Variants in HELB observed in about 807,000 individuals in gnomAD.
HELB encodes DNA 5'-3' helicase B.
HELB carries 96 observed loss-of-function variants against 101.7 expected under a neutral mutation model. The ratio of observed to expected loss-of-function variants is 0.94; its 90% confidence interval spans 0.80 to 1.12. The LOEUF is 1.12. Ranked by LOEUF, HELB falls within the 50% of genes most tolerant of loss-of-function variation. The probability of loss-of-function intolerance (pLI) is 0.00; values close to 1 mark genes in which losing one functional copy is unlikely to be tolerated. For missense variants in HELB, 1,210 were observed against 1,291.9 expected, an observed-to-expected ratio of 0.94 and a Z score of 0.97; for synonymous variants, 437 against 459.7, an observed-to-expected ratio of 0.95 and a Z score of 0.63.
At chr12:66,315,899 C>T (rs1301311448) in intron 6 of HELB, among the ~76,000 whole-genome samples, 1 of 152,186 alleles carries the variant, frequency 6.6e-6, no homozygotes, top group Non-Finnish European at 1.5e-5. Context: ...TATCCTCTGT[C>T]AGCTCAGACA....
intron 6 of HELB, among the ~76,000 whole-genome samples, chr12:66,317,657 A>T (rs2053624132): frequency 6.6e-6 from 1 of 152,166 alleles, no homozygotes; most frequent in South Asian, 2.1e-4. Flanking sequence ...TCATCATTTC[A>T]TCTTAATCAT....
intron 6 of HELB, 132 bp from the exon 7 acceptor site, chr12:66,318,506 T>A (rs2053634776): frequency 2.7e-6 from 2 of 742,238 alleles, no homozygotes; most frequent in African/African-American, 3.7e-5. Context: ...TTATAATGCA[T>A]ACCTGGATGA....
At chr12:66,342,267 T>A (rs1387390108), downstream of HELB, 1 of 152,200 alleles carries the variant, frequency 6.6e-6, no homozygotes, top group Non-Finnish European at 1.5e-5. Context: ...GATTATTCTT[T>A]CCCCATTGAA....
In HELB at chr12:66,306,427, A is replaced by G; in HGVS notation, c.690A>G (p.Lys230=). The G allele has an allele frequency of 6.2e-7, 1 of 1,610,766 alleles. No individual in the cohort carries two copies. The stretch of plus-strand genomic sequence containing the variant: ...CAGTTCTTCTGCCTCGACACTTTAA[A>G]TGGATCATAGGGTCAGGTTCTAAAG... ...FLPVLLPRHF[K]WIIGSGSKEM... Residue 230 remains lysine (K), a synonymous_variant, in exon 3 of 13, where the codon AAA becomes AAG. Transcript: ENST00000247815.
rs576325139 is a variant in HELB, at chr12:66,306,333, G to T, written c.608-12G>T. The T allele has an allele frequency of 1.1e-5, 17 of 1,544,756 alleles. No individual in the cohort carries two copies. In the African/African-American group the frequency reaches 1.9e-4, roughly 18 times the overall value. On this transcript the variant is annotated splice_polypyrimidine_tract_variant and intron_variant, in intron 2 of 12. Transcript: ENST00000247815. ...TTTATGTTTTACTTTGTTCCTTTCT[G>T]ATATCTTGTAGTTCCATTTAGAAAT...
chr12:66,329,343 C>T (rs899162785), intron 11 of HELB, among the ~76,000 whole-genome samples: 1 of 152,128 alleles, frequency 6.6e-6, no homozygotes, highest in African/African-American at 2.4e-5. Context: ...AAAGGTGAAG[C>T]TCTGCCTTCA....
At position 66,338,163 on chromosome 12, in the gene HELB, A is replaced by G. The variant is rs757038172; in HGVS notation, c.*61A>G. 1.3e-4 allele frequency: 126 copies of G among 979,992 alleles called. 1 individual carries two copies. The highest frequency in any genetic ancestry group is 1.6e-4 in the Non-Finnish European group (99 of 615,016). 60.7% of individuals were successfully genotyped at this position (979,992 alleles called of 1,614,324 possible). On this transcript the variant is annotated 3_prime_UTR_variant, in exon 13 of 13. Transcript: ENST00000247815. ...CTATTGGAGACAAAATGAACATCGTAACGTCAAAGTACCAAGATAAAAAAA... is the reference window on the plus strand; with the variant it reads ...CTATTGGAGACAAAATGAACATCGTGACGTCAAAGTACCAAGATAAAAAAA...
intron 12 of HELB, among the ~76,000 whole-genome samples, chr12:66,333,397 G>A (rs2053830683): frequency 6.6e-6 from 1 of 152,114 alleles, no homozygotes. Flanking sequence ...AAAGAGGAAG[G>A]CAGGTTGGCC....
chr12:66,302,675 G>GGAC lies in HELB; in HGVS notation c.79_81dup (p.Asp27dup). 6.2e-7 allele frequency: 1 copy of GGAC among 1,614,114 alleles called. No individual in the cohort carries two copies. The highest frequency in any genetic ancestry group is 8.5e-7 in the Non-Finnish European group (1 of 1,179,954). The stretch of plus-strand genomic sequence containing the variant: ...TCCCACCCAGGGATCTGGTGGAGGA[G>GGAC]GACGACGACTACCTAAACGACGACG... On this transcript the variant is annotated inframe_insertion, in exon 1 of 13. Coordinates refer to ENST00000247815, the MANE Select transcript of HELB (RefSeq NM_001370285.1).
At chr12:66,303,106 TTAA>T (rs1192058666) in intron 1 of HELB, among the ~76,000 whole-genome samples, 1 of 105,236 alleles carries the variant, frequency 9.5e-6, no homozygotes, top group African/African-American at 4.1e-5. Flanking sequence ...TTTTTTTTTT[TTAA>T]AATTATTCTC....
At chr12:66,324,549 A>C in intron 10 of HELB, 1 of 258,614 alleles carries the variant, frequency 3.9e-6, no homozygotes, top group Non-Finnish European at 7.4e-6. Context: ...TAGATTTTAA[A>C]AAGCATCATT....
intron 2 of HELB, 75 bp downstream of exon 2, chr12:66,305,225 CT>C: frequency 3.3e-6 from 3 of 897,282 alleles, no homozygotes; most frequent in Non-Finnish European, 5.2e-6. Flanking sequence ...AATGTTACCA[CT>C]AGCATAGTAT....
chr12:66,310,026 A>C lies in HELB; in HGVS notation c.1098A>C (p.Ser366=), dbSNP rs2053522864. ...ATGCTGAAAGAGCCATCGCCTTTTC[A>C]ATTTGTGACCTGATGAAGAAACCTC... The part of the protein sequence containing the change: ...LYHAERAIAF[S]ICDLMKKPPW... The change falls in exon 4 of 13, where the codon TCA becomes TCC. Residue 366 remains serine (S), a synonymous_variant. Coordinates refer to ENST00000247815, the MANE Select transcript of HELB (RefSeq NM_001370285.1). 1 of 1,614,060 alleles carries C rather than the reference A, an allele frequency of 6.2e-7. No individual in the cohort carries two copies. Among genetic ancestry groups the C allele is most frequent in the African/African-American group, 1.3e-5 (1 of 74,922 alleles).
At position 66,302,903 on chromosome 12, in the gene HELB, G is replaced by A. The variant is rs183514004; in HGVS notation, c.187+113G>A. Reference sequence around the variant, plus strand: ...TCGTGCTAACAGATTTAGCTTATCAGTGGTCTAGCTGCTTCATCCTACCAA... The same window carrying A: ...TCGTGCTAACAGATTTAGCTTATCAATGGTCTAGCTGCTTCATCCTACCAA... On this transcript the variant is annotated intron_variant, in intron 1 of 12. Transcript: ENST00000247815. The A allele has an allele frequency of 2.6e-4, 227 of 872,244 alleles. 1 individual carries two copies. In the African/African-American group the frequency reaches 3.5e-3, roughly 14 times the overall value. 54.0% of individuals were successfully genotyped at this position (872,244 alleles called of 1,614,324 possible).
rs537764058 is a variant in HELB, at chr12:66,329,841, A to T, written c.2671-1313A>T. 4.3e-4 allele frequency among the ~76,000 whole-genome samples: 65 copies of T among 152,308 alleles called. 1 individual carries two copies. In the Middle Eastern group the frequency reaches 0.014, roughly 32 times the overall value. ...TTAGGTAGACATTTTCATATTTGAG[A>T]ATGTACAATATAAAGTCCAAGGTGA... On this transcript the variant is annotated intron_variant, in intron 11 of 12. Transcript: ENST00000247815.
chr12:66,313,924 A>G (rs1236678519), intron 4 of HELB, 62 bp from the exon 5 acceptor site: 3 of 1,482,042 alleles, frequency 2.0e-6, no homozygotes, highest in South Asian at 1.2e-5. Context: ...ATAACTTGCT[A>G]TTAATTTTTG....
intron 12 of HELB, among the ~76,000 whole-genome samples, chr12:66,336,185 T>A (rs912027093): frequency 6.6e-6 from 1 of 152,222 alleles, no homozygotes; most frequent in African/African-American, 2.4e-5. Flanking sequence ...GTACTGAAAG[T>A]CATACTTTTA....
rs532153243 is a variant in HELB, at chr12:66,333,621, T to C, written c.3162+1976T>C. Among the ~76,000 whole-genome samples the C allele has an allele frequency of 2.0e-5, 3 of 151,654 alleles. No homozygotes were observed. In the South Asian group the frequency reaches 6.3e-4, roughly 32 times the overall value. On this transcript the variant is annotated intron_variant, in intron 12 of 12. Transcript: ENST00000247815. ...GTCGCTTGAACCCAGGAGGTAGAGGTTGCAGTAAGCCGAGATTGCACCACT... is the reference window on the plus strand; with the variant it reads ...GTCGCTTGAACCCAGGAGGTAGAGGCTGCAGTAAGCCGAGATTGCACCACT...
chr12:66,317,908 AAC>A (rs1308524284), intron 6 of HELB, among the ~76,000 whole-genome samples: 1 of 152,200 alleles, frequency 6.6e-6, no homozygotes, highest in Non-Finnish European at 1.5e-5. Flanking sequence ...CACCTCTGAT[AAC>A]CAGGCTGCTG....
Sources: allele counts gnomAD v4.1 joint callset (sites outside exome capture counted in the v4.1 genomes callset), GRCh38; gene constraint gnomAD v4.1.1; transcripts MANE v1.5; gene names NCBI Gene and HGNC (gene_info 2026-07-23, HGNC 2026-07-21).